Variants in SPOCK3 observed in about 807,000 individuals in gnomAD.
SPOCK3 encodes the protein testican-3.
A neutral mutation model predicts 56.6 loss-of-function variants in SPOCK3; 30 were observed. That is an observed-to-expected ratio of 0.53 (90% CI 0.40 to 0.72). The LOEUF (loss-of-function observed/expected upper bound fraction) is 0.72. Ranked by LOEUF, SPOCK3 falls within the 30% of genes least tolerant of loss-of-function variation. SPOCK3 has a pLI of 0.00. For synonymous variants in SPOCK3, 196 were observed against 183.3 expected, an observed-to-expected ratio of 1.07 and a Z score of -0.56; for missense variants, 527 against 530.0, an observed-to-expected ratio of 0.99 and a Z score of 0.06.
At chr4:167,180,607 A>G (rs1731376097) in intron 2 of SPOCK3, among the ~76,000 whole-genome samples, 1 of 152,234 alleles carries the variant, frequency 6.6e-6, no homozygotes, top group Admixed American at 6.5e-5. Context: ...ATGATGAATC[A>G]CAGTGATATT....
intron 2 of SPOCK3, among the ~76,000 whole-genome samples, chr4:167,186,558 C>T (rs759333508): frequency 4.0e-5 from 6 of 151,660 alleles, no homozygotes; most frequent in Admixed American, 6.6e-5. Context: ...ACCCAGGAGG[C>T]GGAGGTTGCA....
intron 2 of SPOCK3, among the ~76,000 whole-genome samples, chr4:167,161,122 G>A (rs1017659706): frequency 6.6e-6 from 1 of 151,948 alleles, no homozygotes; most frequent in Admixed American, 6.6e-5. Flanking sequence ...CAGAATGGGA[G>A]ATAATTTTTG....
chr4:167,038,748 T>C (rs1390719916), intron 3 of SPOCK3, among the ~76,000 whole-genome samples: 1 of 148,828 alleles, frequency 6.7e-6, no homozygotes, highest in Non-Finnish European at 1.5e-5. Context: ...CCAAAATACA[T>C]ACACTCTATA....
intron 4 of SPOCK3, among the ~76,000 whole-genome samples, chr4:166,940,536 A>T (rs1197513637): frequency 6.6e-6 from 1 of 151,916 alleles, no homozygotes; most frequent in East Asian, 2.0e-4. Context: ...TCTTCGGTAG[A>T]GACTTTCTCT....
intron 7 of SPOCK3, among the ~76,000 whole-genome samples, chr4:166,756,158 C>G (rs541829924): frequency 3.3e-5 from 1 of 29,926 alleles, no homozygotes; most frequent in African/African-American, 1.4e-4. Context: ...CACTCCCACC[C>G]GAATATTGCG....
intron 4 of SPOCK3, among the ~76,000 whole-genome samples, chr4:166,992,465 G>C (rs777370020): frequency 1.4e-4 from 22 of 152,080 alleles, no homozygotes; most frequent in Non-Finnish European, 2.9e-4. Context: ...TGAATTGGAA[G>C]AACTAGAATA....
intron 3 of SPOCK3, among the ~76,000 whole-genome samples, chr4:167,060,389 A>C (rs1229866894): frequency 6.6e-6 from 1 of 152,014 alleles, no homozygotes; most frequent in Non-Finnish European, 1.5e-5. Context: ...AAATGAACAT[A>C]TCTCATGTCT....
At chr4:166,806,548 A>G (rs1047135953) in intron 6 of SPOCK3, among the ~76,000 whole-genome samples, 20 of 152,132 alleles carry the variant, frequency 1.3e-4, no homozygotes, top group African/African-American at 4.3e-4. Flanking sequence ...TCATGAAAAT[A>G]TTATTTTTTA....
At chr4:167,112,128 C>CTA (rs1189520673) in intron 2 of SPOCK3, among the ~76,000 whole-genome samples, 2 of 152,126 alleles carry the variant, frequency 1.3e-5, no homozygotes, top group African/African-American at 2.4e-5. Flanking sequence ...CATCTTAAAT[C>CTA]TATATATATG....
At chr4:167,179,990 T>G (rs1485322) in intron 2 of SPOCK3, among the ~76,000 whole-genome samples, 151,415 of 152,254 alleles carry the variant, frequency 0.99, 75,292 homozygotes, top group Middle Eastern at 1. Context: ...CCCAAAGAAG[T>G]TATACTGCAA....
intron 4 of SPOCK3, among the ~76,000 whole-genome samples, chr4:166,981,705 G>A (rs1746593251): frequency 6.6e-6 from 1 of 152,148 alleles, no homozygotes; most frequent in Non-Finnish European, 1.5e-5. Flanking sequence ...TTCCTGGCTT[G>A]AAAGACGGGT....
chr4:167,193,747 T>C (rs1315158021), intron 2 of SPOCK3, among the ~76,000 whole-genome samples: 1 of 146,078 alleles, frequency 6.8e-6, no homozygotes, highest in Non-Finnish European at 1.5e-5. Flanking sequence ...GATAATCTTA[T>C]GAGAGTTCTC....
intron 6 of SPOCK3, among the ~76,000 whole-genome samples, chr4:166,840,993 T>C (rs976761414): frequency 2.0e-5 from 3 of 151,606 alleles, no homozygotes; most frequent in Non-Finnish European, 2.9e-5. Flanking sequence ...TTAGCCAGGA[T>C]AGTCTCGATC....
At chr4:167,169,108 T>C (rs1730265373) in intron 2 of SPOCK3, among the ~76,000 whole-genome samples, 1 of 152,142 alleles carries the variant, frequency 6.6e-6, no homozygotes, top group African/African-American at 2.4e-5. Flanking sequence ...ACGAAGAAGT[T>C]TGCTGCAGGG....
intron 6 of SPOCK3, among the ~76,000 whole-genome samples, chr4:166,869,835 G>A (rs113282683): frequency 0.038 from 5,760 of 151,940 alleles, 136 homozygotes; most frequent in Non-Finnish European, 0.051. Context: ...ACAGCACCTC[G>A]GATTTTTTAC....
At chr4:166,797,074 AGAG>A (rs1000979320) in intron 6 of SPOCK3, among the ~76,000 whole-genome samples, 14 of 152,112 alleles carry the variant, frequency 9.2e-5, no homozygotes, top group African/African-American at 3.1e-4. Context: ...TTCAGATTGA[AGAG>A]GAGTAAGGAG....
chr4:166,884,253 T>C (rs1158447773), intron 6 of SPOCK3, among the ~76,000 whole-genome samples: 1 of 151,682 alleles, frequency 6.6e-6, no homozygotes, highest in Non-Finnish European at 1.5e-5. Context: ...CTCGGGAGGC[T>C]GAGGCAGGAG....
intron 2 of SPOCK3, among the ~76,000 whole-genome samples, chr4:167,107,401 T>C (rs150380651): frequency 1.3e-3 from 194 of 151,984 alleles, no homozygotes; most frequent in African/African-American, 4.4e-3. Flanking sequence ...AAAAACCATA[T>C]GATCATTTCA....
At chr4:167,021,786 G>C (rs934893750) in intron 3 of SPOCK3, among the ~76,000 whole-genome samples, 5 of 152,100 alleles carry the variant, frequency 3.3e-5, no homozygotes, top group East Asian at 1.9e-4. Flanking sequence ...ATTTCGGATG[G>C]CACAAATGAA....
Sources: gnomAD v4.1 joint callset for allele counts (sites outside exome capture counted in the v4.1 genomes callset) on GRCh38, gnomAD v4.1.1 for gene constraint, MANE v1.5 for transcripts, NCBI Gene and HGNC (gene_info 2026-07-23, HGNC 2026-07-21) for gene names.